GNG12: variants seen among roughly 807,000 people sequenced by gnomAD.
GNG12 encodes the protein G protein subunit gamma 12, also known as guanine nucleotide-binding protein G(I)/G(S)/G(O) subunit gamma-12.
For synonymous variants in GNG12, 28 were observed against 29.7 expected, an observed-to-expected ratio of 0.94 and a Z score of 0.19; for missense variants, 69 against 83.8, an observed-to-expected ratio of 0.82 and a Z score of 0.69.
At chr1:67,788,944 A>G (rs1646785238) in intron 1 of GNG12, among the ~76,000 whole-genome samples, 1 of 152,240 alleles carries the variant, frequency 6.6e-6, no homozygotes, top group Non-Finnish European at 1.5e-5. Context: ...CAGAACTACG[A>G]AAAAGAAAAT....
intron 1 of GNG12, among the ~76,000 whole-genome samples, chr1:67,787,395 T>A (rs1196818650): frequency 6.6e-6 from 1 of 152,084 alleles, no homozygotes; most frequent in South Asian, 2.1e-4. Flanking sequence ...AAGAGTTCTC[T>A]AGTGGAGTCC....
At chr1:67,804,734 C>A (rs1040444416) in intron 1 of GNG12, among the ~76,000 whole-genome samples, 28 of 151,792 alleles carry the variant, frequency 1.8e-4, no homozygotes, top group African/African-American at 5.3e-4. Flanking sequence ...TGCGTAGGAA[C>A]CAGCACCAAG....
At chr1:67,812,217 G>A (rs938426928) in intron 1 of GNG12, among the ~76,000 whole-genome samples, 1 of 151,950 alleles carries the variant, frequency 6.6e-6, no homozygotes, top group Non-Finnish European at 1.5e-5. Flanking sequence ...ATGAGGATCT[G>A]CTGCAGCTTA....
intron 2 of GNG12, among the ~76,000 whole-genome samples, chr1:67,750,254 A>T (rs750487635): frequency 6.6e-6 from 1 of 152,150 alleles, no homozygotes; most frequent in Non-Finnish European, 1.5e-5. Flanking sequence ...AAAATGAGAG[A>T]GTCTTTGGTG....
At chr1:67,768,289 T>C (rs1307545481) in intron 2 of GNG12, among the ~76,000 whole-genome samples, 1 of 152,240 alleles carries the variant, frequency 6.6e-6, no homozygotes, top group East Asian at 1.9e-4. Flanking sequence ...AAAGGTATTT[T>C]GTATAGATTT....
intron 2 of GNG12, among the ~76,000 whole-genome samples, chr1:67,717,929 T>C (rs1448947713): frequency 2.0e-5 from 3 of 152,242 alleles, no homozygotes; most frequent in Non-Finnish European, 4.4e-5. Context: ...CATTCGCTCA[T>C]TTGTAAAATG....
At chr1:67,823,379 T>C (rs1283376922) in intron 1 of GNG12, among the ~76,000 whole-genome samples, 1 of 152,206 alleles carries the variant, frequency 6.6e-6, no homozygotes, top group African/African-American at 2.4e-5. Context: ...CATTAGCAAC[T>C]GGCATAAAAC....
At chr1:67,831,683 A>G (rs1647046038) in intron 1 of GNG12, among the ~76,000 whole-genome samples, 1 of 152,240 alleles carries the variant, frequency 6.6e-6, no homozygotes, top group African/African-American at 2.4e-5. Flanking sequence ...AAGTCCTTTT[A>G]TCACTTAAGA....
chr1:67,753,461 C>G (rs475730), intron 2 of GNG12, among the ~76,000 whole-genome samples: 46,461 of 151,988 alleles, frequency 0.31, 10,404 homozygotes, highest in African/African-American at 0.64. Context: ...CAGTGAACAT[C>G]ACCCATGACA....
intron 2 of GNG12, among the ~76,000 whole-genome samples, chr1:67,714,209 G>A (rs985308385): frequency 7.0e-6 from 1 of 143,140 alleles, no homozygotes. Flanking sequence ...CTATAAAACT[G>A]GGCTGGATCT....
intron 2 of GNG12, among the ~76,000 whole-genome samples, chr1:67,763,878 T>C (rs571338335): frequency 2.6e-4 from 40 of 152,318 alleles, no homozygotes; most frequent in African/African-American, 9.4e-4. Context: ...AGAAGCTCTG[T>C]CAATTTGCAG....
At chr1:67,765,529 C>A (rs566196772) in intron 2 of GNG12, among the ~76,000 whole-genome samples, 10 of 152,270 alleles carry the variant, frequency 6.6e-5, no homozygotes, top group Admixed American at 2.0e-4. Flanking sequence ...GAATAATCAA[C>A]AAACGCTTAA....
In GNG12 at chr1:67,768,989, A is replaced by C. The variant is rs1260774189; in HGVS notation, c.-27+8469T>G. 2.0e-5 allele frequency among the ~76,000 whole-genome samples: 3 copies of C among 152,000 alleles called. No homozygotes were observed. In the East Asian group the frequency reaches 5.8e-4, roughly 29 times the overall value. ...TCACCTCATATGATGGGTCTGGGGG[A>C]GGAAAGGAGGGAGCTGTATCTTGCC... On this transcript the variant is annotated intron_variant, in intron 2 of 3. Coordinates refer to ENST00000370982, the MANE Select transcript of GNG12 (RefSeq NM_018841.6).
intron 1 of GNG12, among the ~76,000 whole-genome samples, chr1:67,817,471 C>G (rs1646959296): frequency 6.6e-6 from 1 of 152,176 alleles, no homozygotes; most frequent in Non-Finnish European, 1.5e-5. Context: ...TGGCTGTGGG[C>G]CCAAAACCTG....
chr1:67,795,338 C>T (rs1198734155), intron 1 of GNG12, among the ~76,000 whole-genome samples: 3 of 152,212 alleles, frequency 2.0e-5, no homozygotes, highest in African/African-American at 7.2e-5. Context: ...TGCAAGATGG[C>T]AGCCCACCAT....
intron 2 of GNG12, among the ~76,000 whole-genome samples, chr1:67,761,621 T>C (rs1409207413): frequency 6.6e-6 from 1 of 152,168 alleles, no homozygotes; most frequent in African/African-American, 2.4e-5. Flanking sequence ...CAAGGTCAAG[T>C]GCAGGTCGAC....
rs1479815049 is a variant in GNG12 at position 67,701,866 on chromosome 1, T to C, written c.*3585A>G. 8 of 152,648 alleles carry C rather than the reference T, an allele frequency of 5.2e-5. No individual in the cohort carries two copies. The highest frequency in any genetic ancestry group is 4.6e-4 in the Admixed American group (7 of 15,282). The allele number at this position is 152,648 out of a possible 1,614,324, so 9.5% of individuals were successfully genotyped here. On this transcript the variant is annotated 3_prime_UTR_variant, in exon 4 of 4. Coordinates refer to ENST00000370982, the MANE Select transcript of GNG12 (RefSeq NM_018841.6). ...TAACAAAAAGGCCTTTTAGAAGCTA[T>C]TAAATGAACAAACATTATAGATAAA... is the stretch of plus-strand genomic sequence containing the variant.
intron 2 of GNG12, among the ~76,000 whole-genome samples, chr1:67,708,963 A>C (rs1646265570): frequency 6.6e-6 from 1 of 152,248 alleles, no homozygotes; most frequent in South Asian, 2.1e-4. Context: ...CCCAGACTCC[A>C]GGGCATCCAT....
intron 1 of GNG12, among the ~76,000 whole-genome samples, chr1:67,787,476 T>C (rs1646777528): frequency 6.6e-6 from 1 of 152,078 alleles, no homozygotes; most frequent in African/African-American, 2.4e-5. Flanking sequence ...TAGGCAATAG[T>C]CAGGCAAAAC....
Sources: gnomAD v4.1 joint callset for allele counts (sites outside exome capture counted in the v4.1 genomes callset) on GRCh38, gnomAD v4.1.1 for gene constraint, MANE v1.5 for transcripts, NCBI Gene and HGNC (gene_info 2026-07-23, HGNC 2026-07-21) for gene names.